The following IGSF21 variants were observed in gnomAD, a reference collection of about 807,000 sequenced individuals.
IGSF21 encodes immunoglobulin superfamily member 21.
Under a neutral mutation model 46.8 loss-of-function variants are expected in IGSF21, and 28 were observed. The observed-to-expected ratio is 0.60, with a 90% CI of 0.44 to 0.82. The LOEUF is 0.82. Ranked by LOEUF, IGSF21 falls within the 40% of genes least tolerant of loss-of-function variation. The probability of loss-of-function intolerance (pLI) is 0.00; values close to 1 mark genes in which losing one functional copy is unlikely to be tolerated. For synonymous variants in IGSF21, 284 were observed against 273.6 expected (o/e 1.04, Z -0.38); for missense variants, 624 against 665.5 (o/e 0.94, Z 0.69).
chr1:18,242,016 C>T (rs1261728889), intron 2 of IGSF21, among the ~76,000 whole-genome samples: 1 of 152,140 alleles, frequency 6.6e-6, no homozygotes, highest in Non-Finnish European at 1.5e-5. Context: ...GGCCTGGGGG[C>T]AGAGGAGCTT....
intron 3 of IGSF21, among the ~76,000 whole-genome samples, chr1:18,320,882 G>A (rs562936462): frequency 9.2e-5 from 14 of 152,260 alleles, no homozygotes; most frequent in East Asian, 5.8e-4. Context: ...ATGTAATGCC[G>A]GTTGACTGCT....
chr1:18,249,631 G>A (rs191495781), intron 2 of IGSF21, among the ~76,000 whole-genome samples: 30 of 152,290 alleles, frequency 2.0e-4, no homozygotes, highest in South Asian at 8.3e-4. Context: ...CTCTCACCCC[G>A]CTGTGCCTAT....
intron 3 of IGSF21, among the ~76,000 whole-genome samples, chr1:18,319,324 G>T (rs223212): frequency 0.054 from 8,166 of 152,286 alleles, 766 homozygotes; most frequent in African/African-American, 0.18. Context: ...AGGAATTTGT[G>T]TGTAACACAC....
At chr1:18,171,526 T>G (rs549612570) in intron 1 of IGSF21, among the ~76,000 whole-genome samples, 1 of 152,278 alleles carries the variant, frequency 6.6e-6, no homozygotes, top group East Asian at 1.9e-4. Context: ...TCAGAAAGTT[T>G]TCGTTCTGGC....
At chr1:18,368,510 C>CAAAA (rs35947029) in intron 6 of IGSF21, among the ~76,000 whole-genome samples, 7 of 132,260 alleles carry the variant, frequency 5.3e-5, no homozygotes, top group South Asian at 2.4e-4. Context: ...GACTTCATCT[C>CAAAA]AAAAAGAAAA....
At position 18,321,805 on chromosome 1, in the gene IGSF21, G is replaced by T. The variant is rs223218; in HGVS notation, c.306-13087G>T. Reference sequence around the variant, plus strand: ...GACACAGACATTTGGACCGTAGCAGGTATCAGCTCTGGAGCCTGGCTGCAG... The same window carrying T: ...GACACAGACATTTGGACCGTAGCAGTTATCAGCTCTGGAGCCTGGCTGCAG... On this transcript the variant is annotated intron_variant, in intron 3 of 9. Coordinates refer to ENST00000251296, the MANE Select transcript of IGSF21 (RefSeq NM_032880.5). Among the ~76,000 whole-genome samples the T allele has an allele frequency of 7.9e-3, 1,196 of 152,158 alleles. 8 individuals carry two copies. The highest frequency in any genetic ancestry group is 0.013 in the Non-Finnish European group (871 of 68,000).
chr1:18,127,478 G>T (rs560670332), intron 1 of IGSF21, among the ~76,000 whole-genome samples: 139 of 152,260 alleles, frequency 9.1e-4, no homozygotes, highest in African/African-American at 2.9e-3. Flanking sequence ...GGACAGTGCT[G>T]TGTGGTATCA....
At chr1:18,150,810 GTC>G (rs1389333640) in intron 1 of IGSF21, among the ~76,000 whole-genome samples, 7 of 152,216 alleles carry the variant, frequency 4.6e-5, no homozygotes, top group Non-Finnish European at 1.0e-4. Context: ...CCTCACCAAG[GTC>G]TCTCTGAGTG....
intron 1 of IGSF21, among the ~76,000 whole-genome samples, chr1:18,195,422 C>G (rs1486857497): frequency 1.3e-5 from 2 of 152,150 alleles, no homozygotes; most frequent in African/African-American, 4.8e-5. Flanking sequence ...GAATGAGGAT[C>G]AGAACAGGCT....
chr1:18,332,756 G>A (rs182382644), intron 3 of IGSF21, among the ~76,000 whole-genome samples: 206 of 152,226 alleles, frequency 1.4e-3, no homozygotes, highest in African/African-American at 4.7e-3. Context: ...CATGACAGTC[G>A]GTAGACCAGA....
chr1:18,136,206 A>G (rs376918529), intron 1 of IGSF21, among the ~76,000 whole-genome samples: 1 of 151,348 alleles, frequency 6.6e-6, no homozygotes, highest in South Asian at 2.1e-4. Context: ...CATTCTGTAG[A>G]TTGCCTGTTC....
At chr1:18,181,501 AG>A (rs2086858046) in intron 1 of IGSF21, among the ~76,000 whole-genome samples, 1 of 152,206 alleles carries the variant, frequency 6.6e-6, no homozygotes, top group South Asian at 2.1e-4. Context: ...TGCTTCTGGC[AG>A]GGAGCAGGGC....
intron 1 of IGSF21, among the ~76,000 whole-genome samples, chr1:18,218,340 C>T (rs1390276433): frequency 1.3e-5 from 2 of 152,204 alleles, no homozygotes; most frequent in Non-Finnish European, 2.9e-5. Flanking sequence ...AGTCACCTCC[C>T]ACCAGGTCCG....
chr1:18,326,324 A>G lies in IGSF21; in HGVS notation c.306-8568A>G, dbSNP rs534139065. On this transcript the variant is annotated intron_variant, in intron 3 of 9. Coordinates refer to ENST00000251296, the MANE Select transcript of IGSF21 (RefSeq NM_032880.5). ...GATGCATGGCAGGCGCAGAAACAGT[A>G]AAACTTCATTACTTCATGCTTGGGA... is the stretch of plus-strand genomic sequence containing the variant. Among the ~76,000 whole-genome samples, 3 of 152,338 alleles carry G rather than the reference A, an allele frequency of 2.0e-5. No individual in the cohort carries two copies. The South Asian group carries it at 6.2e-4, about 32-fold the overall frequency.
chr1:18,188,824 C>A (rs9727556), intron 1 of IGSF21, among the ~76,000 whole-genome samples: 4,300 of 152,312 alleles, frequency 0.028, 188 homozygotes, highest in African/African-American at 0.096. Flanking sequence ...CGTGTCAGAG[C>A]TGGATTTGAA....
intron 1 of IGSF21, among the ~76,000 whole-genome samples, chr1:18,208,847 A>G (rs1410215290): frequency 6.6e-6 from 1 of 152,182 alleles, no homozygotes; most frequent in African/African-American, 2.4e-5. Context: ...TTGAAAGCAC[A>G]AACTCCTGAT....
intron 6 of IGSF21, among the ~76,000 whole-genome samples, chr1:18,368,516 G>A (rs28464352): frequency 0.52 from 73,850 of 143,116 alleles, 20,657 homozygotes; most frequent in Non-Finnish European, 0.63. Context: ...ATCTCAAAAA[G>A]AAAAAAAAAA....
At chr1:18,108,314 T>C in intron 1 of IGSF21, 116 bp downstream of exon 1, 1 of 1,099,486 alleles carries the variant, frequency 9.1e-7, no homozygotes, top group Non-Finnish European at 1.2e-6. Context: ...GCACCGGTCC[T>C]GCCCGGGGTC....
At chr1:18,341,220 C>A (rs1047492375) in intron 4 of IGSF21, among the ~76,000 whole-genome samples, 2 of 151,464 alleles carry the variant, frequency 1.3e-5, no homozygotes, top group African/African-American at 4.9e-5. Context: ...TCACCTTGGC[C>A]TCCCAAAGTG....
Sources: gnomAD v4.1 joint callset for allele counts (sites outside exome capture counted in the v4.1 genomes callset) on GRCh38, gnomAD v4.1.1 for gene constraint, MANE v1.5 for transcripts, NCBI Gene and HGNC (gene_info 2026-07-23, HGNC 2026-07-21) for gene names.